Variants in UTRN observed in about 807,000 individuals in gnomAD.
UTRN encodes the protein utrophin.
UTRN carries 283 observed loss-of-function variants against 463.9 expected under a neutral mutation model. The ratio of observed to expected loss-of-function variants is 0.61; its 90% CI spans 0.55 to 0.67. The LOEUF (loss-of-function observed/expected upper bound fraction) is 0.67. Ranked by LOEUF, UTRN falls within the 30% of genes least tolerant of loss-of-function variation. The pLI, the probability that UTRN is intolerant of heterozygous loss-of-function variation, is 0.00. For synonymous variants in UTRN, 1,442 were observed against 1,431.5 expected (o/e 1.01, Z -0.17); for missense variants, 3,922 against 4,084.3 (o/e 0.96, Z 1.08).
rs747421789 is a variant in UTRN, at chr6:144,533,072, T to C, written c.6058-13T>C. The C allele has an allele frequency of 6.9e-7, 1 of 1,441,266 alleles. No homozygotes were observed. Among genetic ancestry groups the C allele is most frequent in the Non-Finnish European group, 9.7e-7 (1 of 1,025,890 alleles). 89.3% of individuals were successfully genotyped at this position (1,441,266 alleles called of 1,614,324 possible). Reference sequence around the variant, plus strand: ...TATTAGTGAAACTAATCTTGAGTTGTGCTCTGTTACAGGAACTTGAGGTGG... The same window carrying C: ...TATTAGTGAAACTAATCTTGAGTTGCGCTCTGTTACAGGAACTTGAGGTGG... On this transcript the variant is annotated splice_polypyrimidine_tract_variant and intron_variant, in intron 42 of 74. Coordinates refer to ENST00000367545, the MANE Select transcript of UTRN (RefSeq NM_007124.3).
intron 3 of UTRN, 26 bp downstream of exon 3, chr6:144,403,210 A>G: frequency 1.2e-6 from 2 of 1,600,820 alleles, no homozygotes; most frequent in Non-Finnish European, 1.7e-6. Flanking sequence ...AAAAACTTCG[A>G]TGGTTCAGAT....
In UTRN at chr6:144,514,708, C is replaced by T. The variant is rs145487779; in HGVS notation, c.5132C>T (p.Ala1711Val). The T allele has an allele frequency of 6.2e-7, 1 of 1,613,994 alleles. No individual in the cohort carries two copies. The highest frequency in any genetic ancestry group is 8.5e-7 in the Non-Finnish European group (1 of 1,180,028). ...NLQVENVRDQ[A>V]LILMNARGSS... ...CAGGTTGAAAATGTCCGCGATCAAG[C>T]CCTTATTTTGATGAATGCCCGTGGA... The change falls in exon 37 of 75, where the codon GCC becomes GTC. Residue 1711 changes from alanine (A) to valine (V), a missense_variant. Physicochemically the swap from Ala to Val is moderately conservative, Grantham distance 64 (BLOSUM62 0). Around this residue, in one of 3 missense-constraint regions of UTRN, gnomAD observed 2,349 missense variants for 2,303.8 expected, o/e 1.02. Transcript: ENST00000367545.
chr6:144,723,066 G>A (rs1215348106), intron 53 of UTRN, among the ~76,000 whole-genome samples: 3 of 152,180 alleles, frequency 2.0e-5, no homozygotes, highest in Non-Finnish European at 2.9e-5. Flanking sequence ...TGCCCTAAGG[G>A]GTTACCTCAT....
At chr6:144,781,799 A>T (rs1258632712) in intron 60 of UTRN, 123 bp from the exon 61 acceptor site, 2 of 663,778 alleles carry the variant, frequency 3.0e-6, no homozygotes, top group African/African-American at 3.6e-5. Flanking sequence ...GCTAAAAAGG[A>T]TAGATTCTTA....
At chr6:144,483,671 A>G (rs1035560627) in intron 27 of UTRN, among the ~76,000 whole-genome samples, 1 of 151,798 alleles carries the variant, frequency 6.6e-6, no homozygotes, top group African/African-American at 2.4e-5. Flanking sequence ...TTGGTCTGGA[A>G]CTCTTGGGCT....
intron 53 of UTRN, among the ~76,000 whole-genome samples, chr6:144,702,284 T>C (rs2128698985): frequency 6.6e-6 from 1 of 152,286 alleles, no homozygotes; most frequent in Admixed American, 6.5e-5. Context: ...GTAACCTGGA[T>C]TTAGGTTGTG....
chr6:144,544,696 T>G (rs1476193908), intron 46 of UTRN, among the ~76,000 whole-genome samples: 1 of 148,204 alleles, frequency 6.7e-6, no homozygotes, highest in Non-Finnish European at 1.5e-5. Flanking sequence ...CATCTCATTT[T>G]CAAAAGAAAA....
chr6:144,381,154 G>A (rs372029032), intron 2 of UTRN, among the ~76,000 whole-genome samples: 21 of 151,890 alleles, frequency 1.4e-4, no homozygotes, highest in South Asian at 4.2e-4. Flanking sequence ...GTTATTTTTC[G>A]TGATCGTTTC....
At chr6:144,746,972 T>G (rs1313027327) in intron 54 of UTRN, among the ~76,000 whole-genome samples, 6 of 152,248 alleles carry the variant, frequency 3.9e-5, no homozygotes, top group African/African-American at 1.4e-4. Flanking sequence ...TTTTGAAATT[T>G]AGAGAGACAA....
At chr6:144,649,700 G>A (rs1323960656) in intron 51 of UTRN, among the ~76,000 whole-genome samples, 3 of 152,216 alleles carry the variant, frequency 2.0e-5, no homozygotes, top group African/African-American at 7.2e-5. Context: ...TTTCGATGGA[G>A]CATAAACAGA....
At chr6:144,840,651 T>C in intron 72 of UTRN, 89 bp from the exon 73 acceptor site, 1 of 1,394,924 alleles carries the variant, frequency 7.2e-7, no homozygotes, top group South Asian at 1.2e-5. Context: ...TAGAGGCTGG[T>C]TGGAGTATTT....
intron 51 of UTRN, among the ~76,000 whole-genome samples, chr6:144,629,164 C>T (rs555170278): frequency 1.3e-5 from 2 of 151,978 alleles, no homozygotes; most frequent in African/African-American, 2.4e-5. Flanking sequence ...TAATATCATG[C>T]GTGAGCAAAG....
intron 39 of UTRN, among the ~76,000 whole-genome samples, chr6:144,519,508 T>C (rs542029669): frequency 6.6e-6 from 1 of 152,318 alleles, no homozygotes; most frequent in East Asian, 1.9e-4. Context: ...ACCTCTAGTA[T>C]ATTTGTGTTT....
intron 51 of UTRN, among the ~76,000 whole-genome samples, chr6:144,639,698 T>C (rs1242439011): frequency 6.6e-6 from 1 of 152,064 alleles, no homozygotes. Context: ...TTTTTTCTTA[T>C]CTTATTGCTT....
At chr6:144,564,276 A>C (rs1800196567) in intron 50 of UTRN, among the ~76,000 whole-genome samples, 1 of 152,208 alleles carries the variant, frequency 6.6e-6, no homozygotes, top group Admixed American at 6.6e-5. Flanking sequence ...CAAATTTAGA[A>C]AGCATAACTT....
chr6:144,841,581 T>C (rs1008391230), intron 73 of UTRN, among the ~76,000 whole-genome samples: 13 of 152,106 alleles, frequency 8.5e-5, no homozygotes, highest in Admixed American at 8.5e-4. Context: ...TACATACAAG[T>C]AAACTGTATA....
At position 144,533,970 on chromosome 6, in the gene UTRN, G is replaced by A. The variant is rs371458164; in HGVS notation, c.6233+710G>A. ...GATCTTTTTTGTTTGTTTGTTTCTT[G>A]TTGGTAGTTTAGGGTTAAAAACTCC... On this transcript the variant is annotated intron_variant, in intron 43 of 74. Coordinates refer to ENST00000367545, the MANE Select transcript of UTRN (RefSeq NM_007124.3). 1.1e-4 allele frequency among the ~76,000 whole-genome samples: 17 copies of A among 151,676 alleles called. No homozygotes were observed. The South Asian group carries it at 1.2e-3, about 11-fold the overall frequency.
At chr6:144,647,524 A>C (rs1778413812) in intron 51 of UTRN, among the ~76,000 whole-genome samples, 1 of 152,256 alleles carries the variant, frequency 6.6e-6, no homozygotes, top group South Asian at 2.1e-4. Context: ...ATCATTGGTT[A>C]CAAGAGCTTG....
At chr6:144,321,852 G>A (rs1262952209) in intron 2 of UTRN, among the ~76,000 whole-genome samples, 1 of 148,664 alleles carries the variant, frequency 6.7e-6, no homozygotes, top group African/African-American at 2.5e-5. Context: ...TGCAACCTCC[G>A]CCTCGGGTTC....
Sources: allele counts gnomAD v4.1 joint callset (sites outside exome capture counted in the v4.1 genomes callset), GRCh38; gene constraint gnomAD v4.1.1; regional missense constraint gnomAD v4.1.1; transcripts MANE v1.5; gene names NCBI Gene and HGNC (gene_info 2026-07-23, HGNC 2026-07-21).